CLDN10: variants seen among roughly 807,000 people sequenced by gnomAD.
CLDN10 encodes the protein claudin-10.
In CLDN10, 15 loss-of-function variants were observed where a neutral mutation model predicts 22.9. The ratio of observed to expected loss-of-function variants is 0.65; its 90% CI spans 0.44 to 1.01. The LOEUF is 1.01. Among genes scored for constraint, CLDN10 ranks in the 50% least tolerant of loss-of-function variants. The pLI is 0.00. For synonymous variants in CLDN10, 114 were observed against 111.4 expected (o/e 1.02, Z -0.15); for missense variants, 247 against 287.8 (o/e 0.86, Z 1.03).
intron 1 of CLDN10, among the ~76,000 whole-genome samples, chr13:95,497,541 G>A (rs1383175218): frequency 2.6e-5 from 4 of 152,152 alleles, no homozygotes; most frequent in East Asian, 1.9e-4. Context: ...CCATCCTCCC[G>A]GCTTTGTGCA....
intron 1 of CLDN10, among the ~76,000 whole-genome samples, chr13:95,487,619 A>ATT (rs1432667553): frequency 5.9e-5 from 9 of 152,204 alleles, no homozygotes; most frequent in African/African-American, 2.2e-4. Context: ...ATACTTCATG[A>ATT]ACTCATGGAC....
chr13:95,537,443 C>A (rs531654866), intron 1 of CLDN10, among the ~76,000 whole-genome samples: 1 of 152,086 alleles, frequency 6.6e-6, no homozygotes, highest in Non-Finnish European at 1.5e-5. Flanking sequence ...TAGCTTGAGT[C>A]CCACCATAAT....
At chr13:95,460,869 G>A (rs1435426034) in intron 1 of CLDN10, among the ~76,000 whole-genome samples, 4 of 152,118 alleles carry the variant, frequency 2.6e-5, no homozygotes, top group African/African-American at 7.2e-5. Context: ...AGCATTTTGG[G>A]AGGCTGAGGC....
At position 95,433,794 on chromosome 13, in the gene CLDN10, C is replaced by T. The variant is rs753002912; in HGVS notation, c.-40C>T. ...CGGCTGCATGCCTAGACCACCAAAG[C>T]GTTCTGACCGGACAGTGTCACTGGA... On this transcript the variant is annotated 5_prime_UTR_variant, in exon 1 of 5. Transcript: ENST00000376873. 2.8e-5 allele frequency: 45 copies of T among 1,604,656 alleles called. 1 individual carries two copies. Among genetic ancestry groups the T allele is most frequent in the Admixed American group, 6.7e-5 (4 of 59,940 alleles).
intron 1 of CLDN10, among the ~76,000 whole-genome samples, chr13:95,439,896 T>C (rs1435350664): frequency 6.6e-6 from 1 of 150,798 alleles, no homozygotes; most frequent in Non-Finnish European, 1.5e-5. Flanking sequence ...ATTAGTAAGT[T>C]AGATGCCTCC....
At chr13:95,494,166 C>T (rs553784470) in intron 1 of CLDN10, among the ~76,000 whole-genome samples, 1 of 152,192 alleles carries the variant, frequency 6.6e-6, no homozygotes, top group East Asian at 1.9e-4. Flanking sequence ...AAGATAGATT[C>T]TCCACCGTTC....
At chr13:95,554,988 C>T (rs1408618867) in intron 1 of CLDN10, among the ~76,000 whole-genome samples, 3 of 151,678 alleles carry the variant, frequency 2.0e-5, no homozygotes, top group African/African-American at 7.3e-5. Context: ...AATTACTTTC[C>T]ACTGACAGTG....
At chr13:95,537,674 G>C (rs888327730) in intron 1 of CLDN10, among the ~76,000 whole-genome samples, 7 of 152,060 alleles carry the variant, frequency 4.6e-5, no homozygotes, top group East Asian at 1.9e-4. Flanking sequence ...CCACAGAATG[G>C]CATTTCCAAA....
At chr13:95,528,223 G>A (rs1388178025) in intron 1 of CLDN10, among the ~76,000 whole-genome samples, 1 of 152,120 alleles carries the variant, frequency 6.6e-6, no homozygotes, top group Non-Finnish European at 1.5e-5. Context: ...AATCATAGGG[G>A]TGGCTTCCCC....
intron 1 of CLDN10, among the ~76,000 whole-genome samples, chr13:95,543,571 C>T (rs114891174): frequency 2.7e-3 from 410 of 152,070 alleles, no homozygotes; most frequent in African/African-American, 9.2e-3. Flanking sequence ...TTCCCAAATT[C>T]ATAAAGTTTA....
chr13:95,546,640 A>G (rs2043512356), intron 1 of CLDN10, among the ~76,000 whole-genome samples: 1 of 152,134 alleles, frequency 6.6e-6, no homozygotes, highest in South Asian at 2.1e-4. Context: ...GTAACTTGGG[A>G]CTTCTGAGTA....
At chr13:95,433,829 G>A (rs2042236317) in exon 1 of CLDN10, 1 of 1,613,814 alleles carries the variant, frequency 6.2e-7, no homozygotes, top group Non-Finnish European at 8.5e-7. Context: ...AGAAGGCGGC[G>A]CGACATGTCC....
chr13:95,539,023 G>A (rs527997501), intron 1 of CLDN10, among the ~76,000 whole-genome samples: 1 of 152,110 alleles, frequency 6.6e-6, no homozygotes, highest in African/African-American at 2.4e-5. Flanking sequence ...GGGTTTACAG[G>A]CACCCGCCAT....
rs1303738766 is a variant in CLDN10 at position 95,578,695 on chromosome 13, G to C, written c.*681G>C. The C allele has an allele frequency of 6.6e-6, 1 of 152,234 alleles. No homozygotes were observed. Among genetic ancestry groups the C allele is most frequent in the African/African-American group, 2.4e-5 (1 of 41,468 alleles). The allele number at this position is 152,234 out of a possible 1,614,324, so 9.4% of individuals were successfully genotyped here. A position where few individuals can be genotyped will look rare whatever the true frequency, so the allele number is the denominator to read the frequency against. ...CACCATTCTCTTTGATGTATGCAGAGAGTTACGTAGCAGGGGATGTTCTCT... is the reference window on the plus strand; with the variant it reads ...CACCATTCTCTTTGATGTATGCAGACAGTTACGTAGCAGGGGATGTTCTCT... On this transcript the variant is annotated 3_prime_UTR_variant, in exon 5 of 5. Coordinates refer to ENST00000299339, the MANE Select transcript of CLDN10 (RefSeq NM_006984.5).
chr13:95,574,052 A>G (rs1012568024), intron 3 of CLDN10, among the ~76,000 whole-genome samples: 3 of 152,180 alleles, frequency 2.0e-5, no homozygotes, highest in African/African-American at 7.2e-5. Flanking sequence ...ACATAAATTC[A>G]TACTTTTTTA....
At position 95,458,102 on chromosome 13, in the gene CLDN10, A is replaced by C. The variant is rs117282360; in HGVS notation, c.214+24055A>C. Among the ~76,000 whole-genome samples, 15 of 152,274 alleles carry C rather than the reference A, an allele frequency of 9.9e-5. No individual in the cohort carries two copies. In the East Asian group the frequency reaches 2.9e-3, roughly 29 times the overall value. ...CTGCTCTACCTGTCTACCTCCTAGAACAGTAGGCTTGCCTGAGCATATACT... is the reference window on the plus strand; with the variant it reads ...CTGCTCTACCTGTCTACCTCCTAGACCAGTAGGCTTGCCTGAGCATATACT... On this transcript the variant is annotated intron_variant, in intron 1 of 4. Coordinates refer to the CLDN10 transcript ENST00000376873.
chr13:95,488,242 CAAA>C (rs1270135725), intron 1 of CLDN10, among the ~76,000 whole-genome samples: 3 of 67,838 alleles, frequency 4.4e-5, no homozygotes, highest in Non-Finnish European at 3.0e-5. Context: ...GACCCCATCT[CAAA>C]AAAAAAAAAA....
At chr13:95,509,665 C>G (rs906065397) in intron 1 of CLDN10, among the ~76,000 whole-genome samples, 7 of 152,166 alleles carry the variant, frequency 4.6e-5, no homozygotes, top group African/African-American at 1.7e-4. Flanking sequence ...ATAGTAAGAG[C>G]ACTAAGCAAC....
intron 1 of CLDN10, among the ~76,000 whole-genome samples, chr13:95,533,216 A>C (rs1239740517): frequency 6.7e-6 from 1 of 148,626 alleles, no homozygotes; most frequent in African/African-American, 2.5e-5. Context: ...AAATATTCCA[A>C]AAAAAAAAAA....
Sources: gnomAD v4.1 joint callset for allele counts (sites outside exome capture counted in the v4.1 genomes callset) on GRCh38, gnomAD v4.1.1 for gene constraint, MANE v1.5 for transcripts, NCBI Gene and HGNC (gene_info 2026-07-23, HGNC 2026-07-21) for gene names.